Variants in TNS4 observed in about 807,000 individuals in gnomAD.
The protein encoded by TNS4 is tensin 4, also known as tensin-4.
TNS4 carries 46 observed loss-of-function variants against 70.4 expected under a neutral mutation model. That is an observed-to-expected ratio of 0.65 (90% CI 0.52 to 0.84). The LOEUF (loss-of-function observed/expected upper bound fraction) is 0.84, where lower values mean the gene tolerates loss of function less well. Ranked by LOEUF, TNS4 falls within the 40% of genes least tolerant of loss-of-function variation. The pLI, the probability that TNS4 is intolerant of heterozygous loss-of-function variation, is 0.00. For synonymous variants in TNS4, 390 were observed against 366.6 expected, an observed-to-expected ratio of 1.06 and a Z score of -0.73; for missense variants, 863 against 907.0, an observed-to-expected ratio of 0.95 and a Z score of 0.62.
chr17:40,501,074 G>A (rs1441864635), intron 1 of TNS4, among the ~76,000 whole-genome samples: 2 of 152,198 alleles, frequency 1.3e-5, no homozygotes, highest in African/African-American at 2.4e-5. Flanking sequence ...CTGTGATCCT[G>A]AGACCATCTC....
In TNS4 at chr17:40,487,601, C is replaced by A. The variant is rs1472213842; in HGVS notation, c.864-141G>T. On this transcript the variant is annotated intron_variant, in intron 3 of 12. Coordinates refer to ENST00000254051, the MANE Select transcript of TNS4 (RefSeq NM_032865.6). ...TGCATACCCCACCCCCTACAGCCCA[C>A]AGCAAAGTGCATGCCCACCTAATCC... 1.3e-4 allele frequency: 100 copies of A among 781,152 alleles called. 1 individual carries two copies. In the Admixed American group the frequency reaches 2.8e-3, roughly 22 times the overall value. The allele number at this position is 781,152 out of a possible 1,614,324, so 48.4% of individuals were successfully genotyped here. A position where few individuals can be genotyped will look rare whatever the true frequency, so the allele number is the denominator to read the frequency against.
At chr17:40,478,015 G>A (rs928327113) in intron 12 of TNS4, 11 of 599,420 alleles carry the variant, frequency 1.8e-5, no homozygotes, top group Admixed American at 6.0e-5. Context: ...GCTCCCTGAG[G>A]GCAAGGATGC....
At chr17:40,483,039 TC>T (rs1236888356) in intron 6 of TNS4, among the ~76,000 whole-genome samples, 1 of 150,870 alleles carries the variant, frequency 6.6e-6, no homozygotes, top group Admixed American at 6.6e-5. Context: ...AGCCTCAACC[TC>T]CTGGGCTTAA....
chr17:40,497,057 G>T (rs1416625051), intron 1 of TNS4, among the ~76,000 whole-genome samples: 2 of 152,186 alleles, frequency 1.3e-5, no homozygotes, highest in African/African-American at 4.8e-5. Context: ...TGTAGAGAAG[G>T]ACTGGGCCCT....
chr17:40,478,491 T>C, intron 11 of TNS4, 89 bp downstream of exon 11: 1 of 1,544,680 alleles, frequency 6.5e-7, no homozygotes, highest in Non-Finnish European at 8.8e-7. Flanking sequence ...AGGCTCCCTC[T>C]GGGATCCCAG....
intron 4 of TNS4, among the ~76,000 whole-genome samples, chr17:40,485,347 A>G (rs79399049): frequency 0.017 from 2,596 of 152,370 alleles, 114 homozygotes; most frequent in Admixed American, 0.11. Flanking sequence ...ATAAACAAGG[A>G]ATTCTCAAAT....
At chr17:40,483,111 G>T (rs931873915) in intron 6 of TNS4, among the ~76,000 whole-genome samples, 1 of 152,050 alleles carries the variant, frequency 6.6e-6, no homozygotes, top group Admixed American at 6.6e-5. Context: ...CACCATGTCG[G>T]GCTAATTCTT....
chr17:40,483,676 G>A (rs1422132938), intron 6 of TNS4, among the ~76,000 whole-genome samples: 5 of 152,098 alleles, frequency 3.3e-5, no homozygotes, highest in African/African-American at 1.2e-4. Context: ...TGGGCTCATT[G>A]CCTCTTGCAA....
chr17:40,476,514 C>T lies in TNS4; in HGVS notation c.*1074G>A, dbSNP rs2035851528. 6.6e-6 allele frequency: 1 copy of T among 151,728 alleles called. No homozygotes were observed. The highest frequency in any genetic ancestry group is 1.5e-5 in the Non-Finnish European group (1 of 68,024). The allele number at this position is 151,728 out of a possible 1,614,324, so 9.4% of individuals were successfully genotyped here. On this transcript the variant is annotated 3_prime_UTR_variant, in exon 13 of 13. Coordinates refer to ENST00000254051, the MANE Select transcript of TNS4 (RefSeq NM_032865.6). ...ATGGCCCTTATCTCTGCCCCCGCCG[C>T]CTAATATGCAACATTAGGGCAGCTA...
At chr17:40,478,781 C>G in intron 10 of TNS4, 133 bp from the exon 11 acceptor site, 1 of 960,298 alleles carries the variant, frequency 1.0e-6, no homozygotes, top group South Asian at 1.6e-5. Flanking sequence ...CCTTGAAGAC[C>G]GCTATGGCCT....
chr17:40,487,467 C>T lies in TNS4; in HGVS notation c.864-7G>A, dbSNP rs750264357. The T allele has an allele frequency of 2.6e-5, 41 of 1,594,412 alleles. No individual in the cohort carries two copies. The highest frequency in any genetic ancestry group is 9.0e-5 in the East Asian group (4 of 44,582). ...GTGCAGGAGGGACTGGCTGCTGCAG[C>T]GGGAGAGAGTCAGACAGGGTGTTAG... On this transcript the variant is annotated splice_polypyrimidine_tract_variant and splice_region_variant and intron_variant, in intron 3 of 12. Transcript: ENST00000254051.
At position 40,491,727 on chromosome 17, in the gene TNS4, G is replaced by A. The variant is rs1292104593; in HGVS notation, c.440-2758C>T. ...GGTGTGGCTGGGGGGTGGGGTTGGGGCCTCTACCCATTGCAGGGGTGCAGT... is the reference window on the plus strand; with the variant it reads ...GGTGTGGCTGGGGGGTGGGGTTGGGACCTCTACCCATTGCAGGGGTGCAGT... On this transcript the variant is annotated intron_variant, in intron 2 of 12. Transcript: ENST00000254051. Among the ~76,000 whole-genome samples the A allele has an allele frequency of 2.6e-5, 4 of 152,140 alleles. No individual in the cohort carries two copies. The East Asian group carries it at 7.7e-4, about 29-fold the overall frequency.
At chr17:40,493,969 A>G (rs1322252997) in intron 2 of TNS4, among the ~76,000 whole-genome samples, 1 of 152,270 alleles carries the variant, frequency 6.6e-6, no homozygotes, top group Non-Finnish European at 1.5e-5. Context: ...CTGCAGTGAC[A>G]TGCCCATGAC....
intron 3 of TNS4, among the ~76,000 whole-genome samples, chr17:40,488,322 C>T (rs1186941284): frequency 6.6e-6 from 1 of 152,116 alleles, no homozygotes; most frequent in Non-Finnish European, 1.5e-5. Flanking sequence ...GGCTCTTTTA[C>T]CAAAAGGTAG....
At chr17:40,496,922 T>C (rs2143831429) in intron 1 of TNS4, among the ~76,000 whole-genome samples, 1 of 152,366 alleles carries the variant, frequency 6.6e-6, no homozygotes, top group East Asian at 1.9e-4. Context: ...CTGGTATTTT[T>C]AGATAAAGGC....
At chr17:40,477,918 G>A (rs2035870032) in intron 12 of TNS4, 189 bp from the exon 13 acceptor site, 2 of 619,828 alleles carry the variant, frequency 3.2e-6, no homozygotes, top group Non-Finnish European at 5.6e-6. Flanking sequence ...CAGACTGGGA[G>A]ATTTCTGAGT....
chr17:40,484,281 C>G (rs2035962779), intron 6 of TNS4, among the ~76,000 whole-genome samples: 1 of 152,158 alleles, frequency 6.6e-6, no homozygotes, highest in African/African-American at 2.4e-5. Flanking sequence ...CAGAAGCACG[C>G]AGGCTTGCTG....
In TNS4 at chr17:40,496,107, G is replaced by T; in HGVS notation, c.319C>A (p.Gln107Lys). ...YIDFSLESLN[Q>K]MILELDPTFQ... ...GTGGGGTCCAGTTCCAGGATCATCT[G>T]ATTGAGGCTCTCCAGTGAGAAGTCA... Residue 107 changes from glutamine (Q) to lysine (K), a missense_variant, in exon 2 of 13, where the codon CAG becomes AAG. Coordinates refer to ENST00000254051, the MANE Select transcript of TNS4 (RefSeq NM_032865.6). 1 of 1,611,496 alleles carries T rather than the reference G, an allele frequency of 6.2e-7. No individual in the cohort carries two copies. The highest frequency in any genetic ancestry group is 1.1e-5 in the South Asian group (1 of 90,678).
Position 40,488,751 on chromosome 17 carries a change from C to A in TNS4, c.658G>T (p.Gly220Cys). 6.2e-7 allele frequency: 1 copy of A among 1,602,932 alleles called. No homozygotes were observed. The highest frequency in any genetic ancestry group is 2.2e-5 in the East Asian group (1 of 44,680). ...GAATTTGGGGGTCGAGGGGAGAGAC[C>A]CTCTGAGGGGGGCAGAGGGCGCTGG... ...GHQRPLPPSE[G>C]LSPRPPNSPS... is the part of the protein sequence containing the mutation. Residue 220 changes from glycine (G) to cysteine (C), a missense_variant, in exon 3 of 13, where the codon GGT (glycine) becomes TGT (cysteine). Gly to Cys is a radical substitution (Grantham distance 159, BLOSUM62 -3). Transcript: ENST00000254051.
Sources: gnomAD v4.1 joint callset for allele counts (sites outside exome capture counted in the v4.1 genomes callset) on GRCh38, gnomAD v4.1.1 for gene constraint, MANE v1.5 for transcripts, NCBI Gene and HGNC (gene_info 2026-07-23, HGNC 2026-07-21) for gene names.